PCDH15: variants seen among roughly 807,000 people sequenced by gnomAD.
The protein encoded by PCDH15 is protocadherin related 15.
Under a neutral mutation model 178.5 loss-of-function variants are expected in PCDH15, and 129 were observed. That is an observed-to-expected ratio of 0.72 (90% CI 0.63 to 0.84). The LOEUF is 0.84. Among genes scored for constraint, PCDH15 ranks in the 40% least tolerant of loss-of-function variants. PCDH15 has a pLI of 0.00. For synonymous variants in PCDH15, 800 were observed against 732.0 expected (o/e 1.09, Z -1.50); for missense variants, 2,230 against 2,099.9 (o/e 1.06, Z -1.21).
chr10:54,859,372 G>T (rs922752145), intron 3 of PCDH15, among the ~76,000 whole-genome samples: 9 of 151,906 alleles, frequency 5.9e-5, no homozygotes, highest in African/African-American at 2.2e-4. Context: ...CACTCCCTGT[G>T]TATGCTTGTC....
chr10:54,207,364 TTGTGTGTGTGTGTA>T (rs67199720), intron 10 of PCDH15, among the ~76,000 whole-genome samples: 23,644 of 87,418 alleles, frequency 0.27, 3,112 homozygotes, highest in East Asian at 0.79. Flanking sequence ...CTGTTTTGTT[TTGTGTGTGTGTGTA>T]TGTGTGTGTG....
chr10:54,380,942 G>C (rs1429903497), intron 3 of PCDH15, among the ~76,000 whole-genome samples: 4 of 150,864 alleles, frequency 2.7e-5, no homozygotes, highest in Admixed American at 2.6e-4. Context: ...CTTGCTCTCA[G>C]CTCACTCCTG....
At chr10:54,073,827 A>G (rs927655597) in intron 17 of PCDH15, among the ~76,000 whole-genome samples, 14 of 152,212 alleles carry the variant, frequency 9.2e-5, no homozygotes, top group African/African-American at 3.1e-4. Context: ...CACTGTTCGC[A>G]TATTTATTTA....
intron 1 of PCDH15, among the ~76,000 whole-genome samples, chr10:55,177,944 C>CCTCTTT (rs1278001724): frequency 6.6e-6 from 1 of 152,102 alleles, no homozygotes; most frequent in African/African-American, 2.4e-5. Context: ...TGAGAGCACA[C>CCTCTTT]CTCTTTCTTC....
Position 54,842,094 on chromosome 10 carries a change from T to C in PCDH15, c.-29+55356A>G, listed in dbSNP as rs114019838. On this transcript the variant is annotated intron_variant, in intron 3 of 5. Transcript: ENST00000458638. ...GGAACTTGAAATTGGACTTATTCTC[T>C]TATGTAACTACAAAATTCATAAACG... Among the ~76,000 whole-genome samples the C allele has an allele frequency of 4.8e-3, 732 of 151,992 alleles. 5 individuals are homozygous for C. The highest frequency in any genetic ancestry group is 0.017 in the African/African-American group (701 of 41,526).
At chr10:55,570,657 T>C (rs143594470) in intron 2 of PCDH15, among the ~76,000 whole-genome samples, 268 of 152,126 alleles carry the variant, frequency 1.8e-3, no homozygotes, top group African/African-American at 6.2e-3. Flanking sequence ...ACTTATTCTA[T>C]GAATGCAGTG....
intron 2 of PCDH15, among the ~76,000 whole-genome samples, chr10:54,567,713 A>G (rs2133492195): frequency 6.6e-6 from 1 of 152,282 alleles, no homozygotes; most frequent in East Asian, 1.9e-4. Context: ...ATTAGCCTAA[A>G]GAGATTTTTA....
At chr10:55,032,564 G>A (rs892430900) in intron 2 of PCDH15, among the ~76,000 whole-genome samples, 1 of 152,136 alleles carries the variant, frequency 6.6e-6, no homozygotes, top group Non-Finnish European at 1.5e-5. Context: ...TGGCATAAAT[G>A]AGTTAAAATC....
At chr10:55,401,251 C>T (rs1565100223) in intron 2 of PCDH15, among the ~76,000 whole-genome samples, 1 of 152,016 alleles carries the variant, frequency 6.6e-6, no homozygotes, top group East Asian at 1.9e-4. Flanking sequence ...CCCAGGTTTT[C>T]TATCTTTAGT....
At chr10:53,868,912 AG>A (rs1339411777) in intron 26 of PCDH15, among the ~76,000 whole-genome samples, 1 of 152,138 alleles carries the variant, frequency 6.6e-6, no homozygotes, top group Admixed American at 6.5e-5. Flanking sequence ...TTAGTCTCCC[AG>A]GTTCAAGCTA....
At chr10:54,543,261 C>G (rs532629008) in intron 2 of PCDH15, among the ~76,000 whole-genome samples, 10 of 152,274 alleles carry the variant, frequency 6.6e-5, no homozygotes, top group Admixed American at 3.9e-4. Context: ...CAAGAAACCC[C>G]GGGATACAGA....
chr10:54,754,370 C>T (rs556828532), intron 1 of PCDH15, among the ~76,000 whole-genome samples: 1 of 152,176 alleles, frequency 6.6e-6, no homozygotes, highest in Admixed American at 6.5e-5. Context: ...AGACTCGTTC[C>T]ATGATTGAAA....
chr10:55,416,593 T>C (rs1209145581), intron 2 of PCDH15, among the ~76,000 whole-genome samples: 1 of 151,480 alleles, frequency 6.6e-6, no homozygotes, highest in African/African-American at 2.4e-5. Flanking sequence ...AAGAAAAGCA[T>C]ATGGAGCAAT....
chr10:54,871,390 A>G (rs1954037482), intron 3 of PCDH15, among the ~76,000 whole-genome samples: 1 of 150,780 alleles, frequency 6.6e-6, no homozygotes, highest in Non-Finnish European at 1.5e-5. Flanking sequence ...AAGCTACTTG[A>G]AAAAAAAATG....
intron 2 of PCDH15, among the ~76,000 whole-genome samples, chr10:55,450,575 T>C (rs1308227093): frequency 4.6e-5 from 7 of 152,166 alleles, no homozygotes; most frequent in African/African-American, 1.7e-4. Context: ...CATCAAATGT[T>C]GTACAATTTT....
intron 15 of PCDH15, among the ~76,000 whole-genome samples, chr10:54,116,035 G>C (rs774355702): frequency 1.3e-5 from 2 of 152,026 alleles, no homozygotes; most frequent in Non-Finnish European, 2.9e-5. Flanking sequence ...TAAAAGTCAG[G>C]GAAGTTAAGG....
chr10:55,462,098 G>A (rs981174287), intron 2 of PCDH15, among the ~76,000 whole-genome samples: 2 of 151,990 alleles, frequency 1.3e-5, no homozygotes, highest in African/African-American at 4.8e-5. Flanking sequence ...ACTCCCACAG[G>A]TCTAACCACT....
At chr10:54,769,296 T>C (rs977789587) in intron 1 of PCDH15, among the ~76,000 whole-genome samples, 2 of 150,450 alleles carry the variant, frequency 1.3e-5, no homozygotes, top group African/African-American at 2.4e-5. Context: ...ATGGCAGGCA[T>C]GCTTGACAGC....
At chr10:54,022,013 GA>G (rs1302108204) in intron 19 of PCDH15, among the ~76,000 whole-genome samples, 1 of 152,068 alleles carries the variant, frequency 6.6e-6, no homozygotes, top group South Asian at 2.1e-4. Context: ...GCCTTATTTA[GA>G]TTTGTTAATG....
Sources: allele counts gnomAD v4.1 joint callset (sites outside exome capture counted in the v4.1 genomes callset), GRCh38; gene constraint gnomAD v4.1.1; transcripts MANE v1.5; gene names NCBI Gene and HGNC (gene_info 2026-07-23, HGNC 2026-07-21).